Variants in HDAC9 observed in about 807,000 individuals in gnomAD.
The protein encoded by HDAC9 is histone deacetylase 9.
In HDAC9, 41 loss-of-function variants were observed where a neutral mutation model predicts 139.4. That is an observed-to-expected ratio of 0.29 (90% CI 0.23 to 0.38). The LOEUF (loss-of-function observed/expected upper bound fraction) is 0.38. Among genes scored for constraint, HDAC9 ranks in the 10% least tolerant of loss-of-function variants. The pLI, the probability that HDAC9 is intolerant of heterozygous loss-of-function variation, is 1.00. For missense variants in HDAC9, 1,147 were observed against 1,297.0 expected (o/e 0.88, Z 1.78); for synonymous variants, 517 against 476.2 (o/e 1.09, Z -1.12).
At chr7:18,748,017 C>T (rs1453960976) in intron 13 of HDAC9, among the ~76,000 whole-genome samples, 1 of 152,136 alleles carries the variant, frequency 6.6e-6, no homozygotes, top group Admixed American at 6.5e-5. Flanking sequence ...TCCCCATCTA[C>T]AAATATACTT....
At chr7:18,242,233 A>G (rs1794236368) in intron 2 of HDAC9, among the ~76,000 whole-genome samples, 1 of 152,218 alleles carries the variant, frequency 6.6e-6, no homozygotes, top group African/African-American at 2.4e-5. Flanking sequence ...AACTCCTTGT[A>G]TATGTAAGGC....
intron 5 of HDAC9, 48 bp downstream of exon 5, chr7:18,591,690 G>A (rs765969478): frequency 6.2e-7 from 1 of 1,600,738 alleles, no homozygotes; most frequent in South Asian, 1.1e-5. Context: ...AAGAACACAG[G>A]TTCTGTATTT....
intron 1 of HDAC9, among the ~76,000 whole-genome samples, chr7:18,378,628 T>C (rs1016869448): frequency 3.3e-5 from 5 of 152,074 alleles, no homozygotes; most frequent in African/African-American, 9.7e-5. Flanking sequence ...CATATAAATA[T>C]ATGCACACAT....
At chr7:18,850,416 G>C (rs192121182) in intron 21 of HDAC9, among the ~76,000 whole-genome samples, 1 of 152,160 alleles carries the variant, frequency 6.6e-6, no homozygotes, top group Non-Finnish European at 1.5e-5. Flanking sequence ...AAATGAAAGC[G>C]TAGGGGAGGA....
At chr7:18,668,416 T>A in intron 12 of HDAC9, 1 of 941,050 alleles carries the variant, frequency 1.1e-6, no homozygotes, top group Non-Finnish European at 1.3e-6. Flanking sequence ...CAAAGTCTTT[T>A]TTCAATCTCA....
Position 18,666,331 on chromosome 7 carries a change from G to A in HDAC9, c.1586G>A (p.Ser529Asn). 6.2e-7 allele frequency: 1 copy of A among 1,613,436 alleles called. No individual in the cohort carries two copies. ...QEDRAPSSGN[S>N]TRSDSSACVD... ...GACAGAGCGCCCTCTAGTGGCAACA[G>A]CACTAGGAGCGACAGCAGTGCTTGT... The change falls in exon 12 of 26, where the codon AGC (serine) becomes AAC (asparagine). Residue 529 changes from serine to asparagine, a missense_variant. Around this residue, in one of 7 missense-constraint regions of HDAC9, gnomAD observed 256 missense variants for 219.2 expected, o/e 1.17. Transcript: ENST00000686413.
At chr7:18,213,078 G>A (rs552087520) in intron 2 of HDAC9, among the ~76,000 whole-genome samples, 54 of 152,264 alleles carry the variant, frequency 3.5e-4, no homozygotes, top group African/African-American at 1.3e-3. Flanking sequence ...TGATAAACAT[G>A]TTTGTTGAGA....
chr7:18,142,068 A>C (rs1171905031), intron 1 of HDAC9, among the ~76,000 whole-genome samples: 2 of 151,686 alleles, frequency 1.3e-5, no homozygotes, highest in African/African-American at 4.8e-5. Flanking sequence ...TAATTGAGTG[A>C]CAAGTTCTAT....
chr7:18,653,220 CA>C (rs1646550039), intron 11 of HDAC9, among the ~76,000 whole-genome samples: 1 of 95,602 alleles, frequency 1.0e-5, no homozygotes, highest in Admixed American at 1.4e-4. Flanking sequence ...ACCTGGGCCA[CA>C]AGGGTGAAAC....
chr7:18,412,451 T>G (rs1163416604), intron 1 of HDAC9, among the ~76,000 whole-genome samples: 2 of 152,172 alleles, frequency 1.3e-5, no homozygotes, highest in Non-Finnish European at 1.5e-5. Context: ...GGGATGGTAT[T>G]AGTGATTGCT....
chr7:18,212,164 A>G (rs1791982921), intron 2 of HDAC9, among the ~76,000 whole-genome samples: 1 of 152,162 alleles, frequency 6.6e-6, no homozygotes, highest in South Asian at 2.1e-4. Flanking sequence ...ATGATGATAA[A>G]CAGGATGATG....
At chr7:18,842,977 T>C (rs760579023) in intron 21 of HDAC9, among the ~76,000 whole-genome samples, 34 of 152,126 alleles carry the variant, frequency 2.2e-4, no homozygotes, top group Non-Finnish European at 4.1e-4. Context: ...CTATTTAAAG[T>C]AGATCAAATG....
intron 12 of HDAC9, among the ~76,000 whole-genome samples, chr7:18,709,159 C>G (rs1784160802): frequency 6.6e-6 from 1 of 151,716 alleles, no homozygotes; most frequent in Non-Finnish European, 1.5e-5. Flanking sequence ...ATTTGCTTCA[C>G]CTATTGACAC....
At chr7:18,558,319 C>G (rs934399698) in intron 2 of HDAC9, among the ~76,000 whole-genome samples, 1 of 152,012 alleles carries the variant, frequency 6.6e-6, no homozygotes, top group African/African-American at 2.4e-5. Context: ...CTTTCATAGG[C>G]CATTGGTAAG....
chr7:18,845,286 C>G (rs867535240), intron 21 of HDAC9, among the ~76,000 whole-genome samples: 13 of 152,158 alleles, frequency 8.5e-5, no homozygotes, highest in Middle Eastern at 3.4e-3. Flanking sequence ...AAGATACACA[C>G]AGAAGGGGAG....
chr7:18,092,274 C>A (rs1221174939), intron 1 of HDAC9, among the ~76,000 whole-genome samples: 1 of 152,082 alleles, frequency 6.6e-6, no homozygotes, highest in Non-Finnish European at 1.5e-5. Context: ...CCTGAAGTCC[C>A]AGCTAGTTGG....
chr7:18,480,609 A>G (rs1286156078), intron 1 of HDAC9, among the ~76,000 whole-genome samples: 3 of 152,172 alleles, frequency 2.0e-5, no homozygotes, highest in African/African-American at 7.2e-5. Context: ...AAGCATTTCC[A>G]GTAGGTCAGA....
chr7:18,578,424 C>G lies in HDAC9; in HGVS notation c.23-6857C>G, dbSNP rs528084231. On this transcript the variant is annotated intron_variant, in intron 2 of 25. Transcript: ENST00000686413. Reference sequence around the variant, plus strand: ...AACTTCTGTTTTCTGTTTTGTGTCACTCTTCTCAGTAGCTTTGCTCTGTAG... The same window carrying G: ...AACTTCTGTTTTCTGTTTTGTGTCAGTCTTCTCAGTAGCTTTGCTCTGTAG... Among the ~76,000 whole-genome samples the G allele has an allele frequency of 3.3e-5, 5 of 152,318 alleles. No homozygotes were observed. In the South Asian group the frequency reaches 8.3e-4, roughly 25 times the overall value.
intron 2 of HDAC9, among the ~76,000 whole-genome samples, chr7:18,171,806 G>A (rs917873307): frequency 3.1e-4 from 47 of 152,228 alleles, no homozygotes; most frequent in African/African-American, 1.1e-3. Context: ...CAACTTGTTC[G>A]TGGTGGATAA....
Sources: allele counts gnomAD v4.1 joint callset (sites outside exome capture counted in the v4.1 genomes callset), GRCh38; gene constraint gnomAD v4.1.1; regional missense constraint gnomAD v4.1.1; transcripts MANE v1.5; gene names NCBI Gene and HGNC (gene_info 2026-07-23, HGNC 2026-07-21).